HEMK2: variants seen among roughly 807,000 people sequenced by gnomAD.
The protein encoded by HEMK2 is methyltransferase HEMK2.
chr21:28,580,456 C>G, the HEMK2 span, among the ~76,000 whole-genome samples: 3 of 152,034 alleles, frequency 2.0e-5, no homozygotes, highest in African/African-American at 7.3e-5. Context: ...GCATCCCACC[C>G]CACTCCCCAC....
chr21:28,711,634 T>C, the HEMK2 span, among the ~76,000 whole-genome samples: 3 of 152,164 alleles, frequency 2.0e-5, no homozygotes, highest in Non-Finnish European at 4.4e-5. Context: ...CTGTCTGTGA[T>C]ATAAACTCAC....
the HEMK2 span, among the ~76,000 whole-genome samples, chr21:28,628,806 G>C: frequency 6.6e-6 from 1 of 152,192 alleles, no homozygotes; most frequent in African/African-American, 2.4e-5. Context: ...AGCGTCACGT[G>C]CTGCCATTGG....
the HEMK2 span, among the ~76,000 whole-genome samples, chr21:28,817,964 C>A: frequency 1.3e-5 from 2 of 152,128 alleles, no homozygotes; most frequent in Non-Finnish European, 2.9e-5. Flanking sequence ...GGTGACCAAC[C>A]ATCTGCACAT....
the HEMK2 span, among the ~76,000 whole-genome samples, chr21:28,814,943 C>T: frequency 3.9e-5 from 6 of 152,054 alleles, no homozygotes; most frequent in Admixed American, 6.5e-5. Flanking sequence ...ATGTTTACAG[C>T]GGCACTATTC....
the HEMK2 span, among the ~76,000 whole-genome samples, chr21:28,604,723 T>A: frequency 6.6e-6 from 1 of 152,308 alleles, no homozygotes; most frequent in Admixed American, 6.5e-5. Context: ...AACCTCAGTG[T>A]CTCTATTGTC....
chr21:28,868,225 G>T, the HEMK2 span, among the ~76,000 whole-genome samples: 2 of 152,046 alleles, frequency 1.3e-5, no homozygotes, highest in Admixed American at 6.6e-5. Flanking sequence ...TATTATCTAG[G>T]AGTGTCTAGG....
the HEMK2 span, among the ~76,000 whole-genome samples, chr21:28,721,701 G>C: frequency 1.2e-3 from 184 of 152,086 alleles, no homozygotes; most frequent in Middle Eastern, 3.4e-3. Flanking sequence ...ACTGTTCTAA[G>C]TACTTTACAT....
chr21:28,597,978 TAAAC>T, the HEMK2 span, among the ~76,000 whole-genome samples: 1 of 152,026 alleles, frequency 6.6e-6, no homozygotes, highest in African/African-American at 2.4e-5. Flanking sequence ...AGCATGAACT[TAAAC>T]AGAGAAGTGA....
At chr21:28,699,030 G>A in the HEMK2 span, among the ~76,000 whole-genome samples, 1 of 151,974 alleles carries the variant, frequency 6.6e-6, no homozygotes. Context: ...TTTAATCTCT[G>A]AAATGTTCAC....
At chr21:28,880,579 C>T in the HEMK2 span, among the ~76,000 whole-genome samples, 17 of 151,960 alleles carry the variant, frequency 1.1e-4, no homozygotes, top group Non-Finnish European at 2.5e-4. Flanking sequence ...CCAGTCTCTA[C>T]TAAAAATACA....
At chr21:28,798,814 T>C in the HEMK2 span, among the ~76,000 whole-genome samples, 1 of 152,170 alleles carries the variant, frequency 6.6e-6, no homozygotes, top group Non-Finnish European at 1.5e-5. Flanking sequence ...GACACAAATC[T>C]CCATGCATTG....
the HEMK2 span, among the ~76,000 whole-genome samples, chr21:28,815,003 G>A: frequency 1.3e-5 from 2 of 152,024 alleles, no homozygotes; most frequent in Non-Finnish European, 1.5e-5. Flanking sequence ...ATGATAGACT[G>A]GATTAAGAAA....
At chr21:28,591,125 AT>A in the HEMK2 span, among the ~76,000 whole-genome samples, 1 of 152,236 alleles carries the variant, frequency 6.6e-6, no homozygotes, top group South Asian at 2.1e-4. Flanking sequence ...TGAAATTCCC[AT>A]AAAAAATAAT....
the HEMK2 span, among the ~76,000 whole-genome samples, chr21:28,746,998 C>G: frequency 2.0e-5 from 3 of 152,124 alleles, no homozygotes; most frequent in African/African-American, 7.2e-5. Context: ...GTGCAGAGAA[C>G]GTAGAAGCAA....
At chr21:28,643,171 CA>C in the HEMK2 span, among the ~76,000 whole-genome samples, 6 of 152,166 alleles carry the variant, frequency 3.9e-5, no homozygotes, top group African/African-American at 1.4e-4. Context: ...TGTCAGCAAC[CA>C]CTTATTGCAC....
chr21:28,783,643 C>T, the HEMK2 span, among the ~76,000 whole-genome samples: 1 of 152,230 alleles, frequency 6.6e-6, no homozygotes, highest in Admixed American at 6.5e-5. Context: ...GGCCTCGGCA[C>T]CCACTCTGGC....
the HEMK2 span, among the ~76,000 whole-genome samples, chr21:28,752,582 C>T: frequency 6.6e-6 from 1 of 152,188 alleles, no homozygotes; most frequent in Non-Finnish European, 1.5e-5. Flanking sequence ...CACCTAAAGA[C>T]AGACCCTTCC....
chr21:28,809,249 G>T, the HEMK2 span, among the ~76,000 whole-genome samples: 1 of 152,142 alleles, frequency 6.6e-6, no homozygotes, highest in African/African-American at 2.4e-5. Flanking sequence ...GTAAGCAAAG[G>T]TAGAGGGAGA....
the HEMK2 span, among the ~76,000 whole-genome samples, chr21:28,858,237 C>T: frequency 5.3e-5 from 8 of 152,088 alleles, no homozygotes; most frequent in Non-Finnish European, 7.4e-5. Context: ...CAACTATGTC[C>T]CTAACCACTC....
Sources: allele counts gnomAD v4.1 joint callset (sites outside exome capture counted in the v4.1 genomes callset), GRCh38; gene constraint gnomAD v4.1.1; transcripts MANE v1.5; gene names NCBI Gene and HGNC (gene_info 2026-07-23, HGNC 2026-07-21).